Variants in SLC22A15 observed in about 807,000 individuals in gnomAD.
SLC22A15 encodes flipt 1.
A neutral mutation model predicts 62.7 loss-of-function variants in SLC22A15; 45 were observed. The observed-to-expected ratio is 0.72, with a 90% confidence interval of 0.56 to 0.92. The LOEUF is 0.92. SLC22A15 is among the 40% of genes least tolerant of loss of function. SLC22A15 has a pLI of 0.00. For synonymous variants in SLC22A15, 264 were observed against 267.0 expected (o/e 0.99, Z 0.11); for missense variants, 622 against 665.6 (o/e 0.93, Z 0.72).
chr1:116,035,305 A>G lies in SLC22A15; in HGVS notation c.1063A>G (p.Ile355Val). ...LIEIPSYPLC[I>V]YLINQKWFGR... ...AGAGATTCCATCTTACCCTCTCTGT[A>G]TCTACTTGATTAACCAAAAATGGTG... The change falls in exon 7 of 12, where the codon ATC becomes GTC. Residue 355 changes from isoleucine to valine, a missense_variant. Coordinates refer to ENST00000369503, the MANE Select transcript of SLC22A15 (RefSeq NM_018420.3). 6.2e-7 allele frequency: 1 copy of G among 1,612,506 alleles called. No individual in the cohort carries two copies. The highest frequency in any genetic ancestry group is 8.5e-7 in the Non-Finnish European group (1 of 1,179,290).
At chr1:116,006,561 C>T (rs1655994116) in intron 2 of SLC22A15, among the ~76,000 whole-genome samples, 1 of 152,084 alleles carries the variant, frequency 6.6e-6, no homozygotes, top group African/African-American at 2.4e-5. Flanking sequence ...ACGTCTTTTC[C>T]TTCCTGTTAC....
At chr1:116,002,234 G>A (rs928613298) in intron 2 of SLC22A15, among the ~76,000 whole-genome samples, 3 of 152,198 alleles carry the variant, frequency 2.0e-5, no homozygotes, top group Non-Finnish European at 4.4e-5. Flanking sequence ...GGAGTTAGGG[G>A]AAGGATGACA....
At chr1:116,065,453 T>G (rs1658476944) in intron 10 of SLC22A15, among the ~76,000 whole-genome samples, 1 of 152,174 alleles carries the variant, frequency 6.6e-6, no homozygotes, top group Non-Finnish European at 1.5e-5. Flanking sequence ...TACAACATTA[T>G]AATACCCAGC....
intron 8 of SLC22A15, among the ~76,000 whole-genome samples, chr1:116,061,076 G>T: frequency 6.6e-6 from 1 of 152,200 alleles, no homozygotes; most frequent in East Asian, 1.9e-4. Context: ...AATCCCTCTT[G>T]TAGTCCTTCC....
In SLC22A15 at chr1:116,031,527, A is replaced by G; in HGVS notation, c.890A>G (p.Asp297Gly). 1.9e-6 allele frequency: 3 copies of G among 1,613,960 alleles called. No homozygotes were observed. The African/African-American group carries it at 4.0e-5, about 22-fold the overall frequency. Residue 297 changes from aspartate to glycine, a missense_variant, in exon 6 of 12, where the codon GAT becomes GGT. Coordinates refer to ENST00000369503, the MANE Select transcript of SLC22A15 (RefSeq NM_018420.3). ...RSCRETGSFL[D>G]LFRYRVLLGH... is the part of the protein sequence containing the mutation. ...TGCAGGGAGACTGGAAGTTTCCTGG[A>G]TCTCTTTCGTTACCGGGTCCTGTTA...
At chr1:116,024,136 G>A (rs1656975416) in intron 4 of SLC22A15, among the ~76,000 whole-genome samples, 1 of 152,232 alleles carries the variant, frequency 6.6e-6, no homozygotes, top group Non-Finnish European at 1.5e-5. Flanking sequence ...GGATCATTTA[G>A]TAGGCTGCTA....
Position 116,020,830 on chromosome 1 carries a change from G to C in SLC22A15, c.543G>C (p.Leu181=). Residue 181 remains leucine (L), a synonymous_variant, in exon 4 of 12, where the codon CTG becomes CTC. Transcript: ENST00000369503. ...GCATGATGAATGGAGGGATGTCGCTGGTGGCCTTTGTCTTGCTTAATGAAT... is the reference window on the plus strand; with the variant it reads ...GCATGATGAATGGAGGGATGTCGCTCGTGGCCTTTGTCTTGCTTAATGAAT... ...LVGMMNGGMS[L]VAFVLLNECV... The C allele has an allele frequency of 5.0e-6, 8 of 1,613,696 alleles. No homozygotes were observed. Among genetic ancestry groups the C allele is most frequent in the Non-Finnish European group, 6.8e-6 (8 of 1,179,738 alleles).
At chr1:116,000,700 G>A (rs764563800) in intron 2 of SLC22A15, among the ~76,000 whole-genome samples, 31 of 135,874 alleles carry the variant, frequency 2.3e-4, no homozygotes, top group Non-Finnish European at 3.7e-4. Flanking sequence ...GCTTGATCCC[G>A]GCTCACTGCA....
At chr1:116,066,369 A>G in intron 10 of SLC22A15, 151 bp from the exon 11 acceptor site, 1 of 609,382 alleles carries the variant, frequency 1.6e-6, no homozygotes. Flanking sequence ...ATAATTCTTT[A>G]TGTGGAAAGA....
At chr1:115,990,763 T>G (rs1655105262) in intron 1 of SLC22A15, among the ~76,000 whole-genome samples, 1 of 152,138 alleles carries the variant, frequency 6.6e-6, no homozygotes, top group Non-Finnish European at 1.5e-5. Flanking sequence ...TGTTTTTTTG[T>G]TTTTTGTTTT....
intron 7 of SLC22A15, 136 bp from the exon 8 acceptor site, chr1:116,037,167 C>T: frequency 1.4e-6 from 1 of 690,716 alleles, no homozygotes; most frequent in East Asian, 2.6e-5. Context: ...TCCTATCAGT[C>T]ACATTTGCCA....
intron 4 of SLC22A15, among the ~76,000 whole-genome samples, chr1:116,021,145 G>A (rs1656814183): frequency 6.6e-6 from 1 of 152,152 alleles, no homozygotes; most frequent in African/African-American, 2.4e-5. Flanking sequence ...GATTACTGTG[G>A]AGACTATTGA....
chr1:116,019,566 T>G lies in SLC22A15; in HGVS notation c.301-16T>G, dbSNP rs1479240160. ...CTGAATCCTACATGTCTCTCTTTTG[T>G]TTTATCTTCCTCTAGTGGTTTTTAA... On this transcript the variant is annotated splice_polypyrimidine_tract_variant and intron_variant, in intron 2 of 11. Coordinates refer to ENST00000369503, the MANE Select transcript of SLC22A15 (RefSeq NM_018420.3). The G allele has an allele frequency of 6.3e-7, 1 of 1,582,146 alleles. No homozygotes were observed. The highest frequency in any genetic ancestry group is 1.2e-5 in the South Asian group (1 of 84,232).
intron 8 of SLC22A15, among the ~76,000 whole-genome samples, chr1:116,038,527 T>G (rs963453760): frequency 6.6e-6 from 1 of 152,232 alleles, no homozygotes; most frequent in African/African-American, 2.4e-5. Flanking sequence ...AGAACAGCTT[T>G]AAAATGATTT....
At chr1:115,986,323 T>C (rs886539643) in intron 1 of SLC22A15, among the ~76,000 whole-genome samples, 1 of 152,228 alleles carries the variant, frequency 6.6e-6, no homozygotes, top group African/African-American at 2.4e-5. Flanking sequence ...TTGGGTTCTT[T>C]AGAGGGAAAT....
Position 116,035,114 on chromosome 1 carries a change from T to C in SLC22A15, c.945-73T>C, listed in dbSNP as rs1480804304. ...ATTGAACCAATATTTGAATCTCCTC[T>C]GGCAAATTCTTATGTACTTTTCTGT... On this transcript the variant is annotated intron_variant, in intron 6 of 11. Coordinates refer to ENST00000369503, the MANE Select transcript of SLC22A15 (RefSeq NM_018420.3). 4.0e-6 allele frequency: 6 copies of C among 1,482,944 alleles called. No homozygotes were observed. In the Admixed American group the frequency reaches 6.0e-5, roughly 15 times the overall value. 91.9% of individuals were successfully genotyped at this position (1,482,944 alleles called of 1,614,324 possible).
intron 2 of SLC22A15, among the ~76,000 whole-genome samples, chr1:116,003,703 G>A (rs985461041): frequency 6.6e-6 from 1 of 152,138 alleles, no homozygotes; most frequent in Non-Finnish European, 1.5e-5. Flanking sequence ...GTGGGTTGGG[G>A]GAAGGGTAGT....
chr1:115,985,619 G>A (rs1458241761), intron 1 of SLC22A15, among the ~76,000 whole-genome samples: 1 of 151,938 alleles, frequency 6.6e-6, no homozygotes, highest in Non-Finnish European at 1.5e-5. Flanking sequence ...GAAGAAGAAG[G>A]GATGGTCAGC....
At chr1:116,058,917 G>A (rs1288913678) in intron 8 of SLC22A15, among the ~76,000 whole-genome samples, 1 of 152,172 alleles carries the variant, frequency 6.6e-6, no homozygotes, top group Non-Finnish European at 1.5e-5. Flanking sequence ...AAGCTATGAG[G>A]ACGCAAAAGC....
Sources: gnomAD v4.1 joint callset for allele counts (sites outside exome capture counted in the v4.1 genomes callset) on GRCh38, gnomAD v4.1.1 for gene constraint, MANE v1.5 for transcripts, NCBI Gene and HGNC (gene_info 2026-07-23, HGNC 2026-07-21) for gene names.